The following ARSF variants were observed in gnomAD, a reference collection of about 807,000 sequenced individuals.
The protein encoded by ARSF is arylsulfatase F.
ARSF carries 33 observed loss-of-function variants against 35.4 expected under a neutral mutation model. That is an observed-to-expected ratio of 0.93 (90% CI 0.71 to 1.25). The LOEUF (loss-of-function observed/expected upper bound fraction) is 1.25. ARSF is among the 50% of genes most tolerant of loss of function. ARSF has a pLI of 0.00. For missense variants in ARSF, 501 were observed against 480.2 expected, an observed-to-expected ratio of 1.04 and a Z score of -0.40; for synonymous variants, 222 against 193.1, an observed-to-expected ratio of 1.15 and a Z score of -1.24.
chrX:3,056,793 T>C (rs2090020425), intron 1 of ARSF, among the ~76,000 whole-genome samples: 1 of 111,461 alleles, frequency 9.0e-6, no homozygotes, highest in Admixed American at 9.6e-5. Context: ...CAGGAGAACA[T>C]TGACCTTTTT....
chrX:3,094,524 C>A (rs767553557), intron 7 of ARSF, among the ~76,000 whole-genome samples: 1 of 112,553 alleles, frequency 8.9e-6, no homozygotes, highest in Non-Finnish European at 1.9e-5. Context: ...ATGAGTCATG[C>A]ATTTCTGCAT....
At chrX:3,042,536 T>A (rs1461659596) in intron 1 of ARSF, among the ~76,000 whole-genome samples, 3 of 111,096 alleles carry the variant, frequency 2.7e-5, no homozygotes, top group African/African-American at 9.8e-5. Flanking sequence ...TCGCTCTGTC[T>A]CCCAGGCTGG....
At chrX:3,107,264 G>A (rs986092025) in intron 9 of ARSF, among the ~76,000 whole-genome samples, 1 of 111,108 alleles carries the variant, frequency 9.0e-6, no homozygotes, top group Admixed American at 9.6e-5. Flanking sequence ...TATCAAAAAA[G>A]TTGCAAGCTA....
intron 3 of ARSF, among the ~76,000 whole-genome samples, chrX:3,073,178 A>G (rs896817540): frequency 2.0e-5 from 2 of 98,827 alleles, no homozygotes; most frequent in Non-Finnish European, 4.0e-5. Context: ...CTTCATACAT[A>G]TTGATAATAT....
At position 3,070,706 on chromosome X, in the gene ARSF, C is replaced by T. The variant is rs777422427; in HGVS notation, c.12-1320C>T. On this transcript the variant is annotated intron_variant, in intron 2 of 10. Transcript: ENST00000381127. ...AGCAGTGTACACTGCACACAATGTGCGGTCTTTGATCCCTCACTCCCCTCC... is the reference window on the plus strand; with the variant it reads ...AGCAGTGTACACTGCACACAATGTGTGGTCTTTGATCCCTCACTCCCCTCC... Among the ~76,000 whole-genome samples, 9 of 111,370 alleles carry T rather than the reference C, an allele frequency of 8.1e-5. No individual in the cohort carries two copies. The South Asian group carries it at 2.3e-3, about 28-fold the overall frequency.
At chrX:3,046,840 A>G (rs1471879574) in intron 1 of ARSF, among the ~76,000 whole-genome samples, 2 of 111,216 alleles carry the variant, frequency 1.8e-5, no homozygotes, top group Non-Finnish European at 3.8e-5. Context: ...AAACCAAGTA[A>G]CTATTAAACC....
At chrX:3,059,904 C>T (rs1413575513) in intron 1 of ARSF, among the ~76,000 whole-genome samples, 1 of 112,572 alleles carries the variant, frequency 8.9e-6, no homozygotes, top group African/African-American at 3.2e-5. Context: ...CAGACTTAAA[C>T]GTCCCTGTCT....
In ARSF at chrX:3,076,603, T is replaced by C. The variant is rs921288719; in HGVS notation, c.217T>C (p.Ser73Pro). 3.3e-6 allele frequency: 4 copies of C among 1,210,522 alleles called. No individual in the cohort carries two copies. The highest frequency in any genetic ancestry group is 1.1e-6 in the Non-Finnish European group (1 of 895,176). ...AGGCGTGCGACTGACTCAGCACATCTCTGCCGCCTCCCTCTGCAGCCCAAG... is the reference window on the plus strand; with the variant it reads ...AGGCGTGCGACTGACTCAGCACATCCCTGCCGCCTCCCTCTGCAGCCCAAG... ...REGVRLTQHISAASLCSPSRS... is the reference protein window; with the variant it reads ...REGVRLTQHIPAASLCSPSRS... The change falls in exon 4 of 11, where the codon TCT becomes CCT. Residue 73 changes from serine to proline, a missense_variant. Physicochemically the swap from Ser to Pro is moderately conservative, Grantham distance 74. Transcript: ENST00000381127.
intron 8 of ARSF, among the ~76,000 whole-genome samples, 181 bp downstream of exon 8, chrX:3,101,402 C>T (rs1472980823): frequency 8.9e-6 from 1 of 111,882 alleles, no homozygotes; most frequent in African/African-American, 3.2e-5. Context: ...CATTTGTTAA[C>T]ATTTCTGTGG....
intron 4 of ARSF, among the ~76,000 whole-genome samples, chrX:3,078,232 C>T (rs946610276): frequency 2.7e-5 from 3 of 110,729 alleles, no homozygotes; most frequent in East Asian, 2.8e-4. Context: ...CTCTGTTGAC[C>T]GGGATGGAGT....
In ARSF at chrX:3,105,467, T is replaced by C. The variant is rs11796795; in HGVS notation, c.1265+1543T>C. Among the ~76,000 whole-genome samples the C allele has an allele frequency of 4.4e-3, 495 of 112,000 alleles. 1 individual carries two copies. Among genetic ancestry groups the C allele is most frequent in the South Asian group, 0.024 (64 of 2,673 alleles). Reference sequence around the variant, plus strand: ...GAAAAAATATTTTATTCTTTATTTTTATTTATTTTATTTTTGAGACAGAGT... The same window carrying C: ...GAAAAAATATTTTATTCTTTATTTTCATTTATTTTATTTTTGAGACAGAGT... On this transcript the variant is annotated intron_variant, in intron 9 of 10. Coordinates refer to ENST00000381127, the MANE Select transcript of ARSF (RefSeq NM_001201539.2).
At chrX:3,091,299 C>T (rs748943428) in intron 7 of ARSF, among the ~76,000 whole-genome samples, 1 of 112,206 alleles carries the variant, frequency 8.9e-6, no homozygotes, top group South Asian at 3.7e-4. Context: ...CTGTTGAGCA[C>T]CAATATCTTA....
At chrX:3,046,926 G>T (rs773557778) in intron 1 of ARSF, among the ~76,000 whole-genome samples, 18 of 110,482 alleles carry the variant, frequency 1.6e-4, no homozygotes, top group Non-Finnish European at 2.3e-4. Context: ...CTTGGGCCAT[G>T]CATAAAATAC....
upstream of ARSF, among the ~76,000 whole-genome samples, chrX:3,040,593 C>A (rs370654057): frequency 9.0e-6 from 1 of 110,880 alleles, no homozygotes; most frequent in Non-Finnish European, 1.9e-5. Flanking sequence ...AATTGCCAAA[C>A]GAGAGGCTGA....
At position 3,089,608 on chromosome X, in the gene ARSF, G is replaced by A. The variant is rs778398095; in HGVS notation, c.943G>A (p.Val315Met). ...TSKHGLYGDN[V>M]EEMDSMVGKI... is the part of the protein sequence containing the mutation. Reference sequence around the variant, plus strand: ...CAAGCATGGCTTGTATGGGGATAATGTGGAAGAGATGGACTCCATGGTGGG... The same window carrying A: ...CAAGCATGGCTTGTATGGGGATAATATGGAAGAGATGGACTCCATGGTGGG... Residue 315 changes from valine (V) to methionine (M), a missense_variant, in exon 7 of 11, where the codon GTG becomes ATG. By Grantham distance (21) the Val-to-Met change is conservative. Transcript: ENST00000381127. 8.3e-7 allele frequency: 1 copy of A among 1,209,367 alleles called. No homozygotes were observed. Among genetic ancestry groups the A allele is most frequent in the Non-Finnish European group, 1.1e-6 (1 of 894,911 alleles).
intron 3 of ARSF, among the ~76,000 whole-genome samples, chrX:3,073,555 A>G: frequency 1.0e-5 from 1 of 99,179 alleles, no homozygotes; most frequent in East Asian, 2.9e-4. Context: ...TATATTATTT[A>G]TTAATATATA....
At position 3,101,117 on chromosome X, in the gene ARSF, G is replaced by A; in HGVS notation, c.998G>A (p.Gly333Asp). 8.3e-7 allele frequency: 1 copy of A among 1,209,860 alleles called. No homozygotes were observed. Among genetic ancestry groups the A allele is most frequent in the Non-Finnish European group, 1.1e-6 (1 of 894,602 alleles). Residue 333 changes from glycine to aspartate, a missense_variant, in exon 8 of 11, where the codon GGC becomes GAC. By Grantham distance (94) the Gly-to-Asp change is moderately conservative. Transcript: ENST00000381127. Reference sequence around the variant, plus strand: ...ATTCTTGATGCTATCGATGATTTTGGCCTAAGGAACAACACCCTTGTCTAC... The same window carrying A: ...ATTCTTGATGCTATCGATGATTTTGACCTAAGGAACAACACCCTTGTCTAC... ...GKILDAIDDF[G>D]LRNNTLVYFT... is the part of the protein sequence containing the mutation.
intron 6 of ARSF, among the ~76,000 whole-genome samples, chrX:3,087,826 T>C (rs745803784): frequency 2.7e-5 from 3 of 110,762 alleles, no homozygotes; most frequent in African/African-American, 6.6e-5. Context: ...CATTATTGGA[T>C]TGGGGACTCA....
intron 1 of ARSF, among the ~76,000 whole-genome samples, chrX:3,047,674 A>T: frequency 9.1e-6 from 1 of 109,942 alleles, no homozygotes; most frequent in Non-Finnish European, 1.9e-5. Context: ...TGAAAAGGGG[A>T]CTGCCCAGCC....
Sources: gnomAD v4.1 joint callset for allele counts (sites outside exome capture counted in the v4.1 genomes callset) on GRCh38, gnomAD v4.1.1 for gene constraint, MANE v1.5 for transcripts, NCBI Gene and HGNC (gene_info 2026-07-23, HGNC 2026-07-21) for gene names.